Variants in FTO observed in about 807,000 individuals in gnomAD.
FTO encodes alpha-ketoglutarate-dependent dioxygenase FTO.
Under a neutral mutation model 63.9 loss-of-function variants are expected in FTO, and 47 were observed. The ratio of observed to expected loss-of-function variants is 0.74; its 90% CI spans 0.58 to 0.94. FTO has a LOEUF of 0.94. Among genes scored for constraint, FTO ranks in the 40% least tolerant of loss-of-function variants. FTO has a pLI of 0.00. For missense variants in FTO, 562 were observed against 618.1 expected (o/e 0.91, Z 0.96); for synonymous variants, 207 against 224.4 (o/e 0.92, Z 0.69).
chr16:53,979,928 A>G (rs950759511), intron 8 of FTO, among the ~76,000 whole-genome samples: 6 of 152,274 alleles, frequency 3.9e-5, no homozygotes, highest in Admixed American at 2.6e-4. Flanking sequence ...CTTCCACAGG[A>G]AGCCTTAAGC....
At chr16:53,726,911 A>G (rs1466307509) in intron 1 of FTO, among the ~76,000 whole-genome samples, 3 of 152,216 alleles carry the variant, frequency 2.0e-5, no homozygotes, top group Non-Finnish European at 4.4e-5. Context: ...GGAGCCTGCC[A>G]TTGGTTTCCA....
At chr16:53,829,804 G>A (rs1227153759) in intron 3 of FTO, among the ~76,000 whole-genome samples, 2 of 152,094 alleles carry the variant, frequency 1.3e-5, no homozygotes, top group African/African-American at 4.8e-5. Context: ...ATGAAACATT[G>A]GGTTTGAAAG....
chr16:53,760,674 T>C (rs184092206), intron 1 of FTO, among the ~76,000 whole-genome samples: 2 of 145,090 alleles, frequency 1.4e-5, no homozygotes, highest in Non-Finnish European at 3.0e-5. Flanking sequence ...TTGCCCAGAC[T>C]GGAGTGTAGT....
At chr16:54,018,433 CATA>C (rs1455428679) in intron 8 of FTO, among the ~76,000 whole-genome samples, 18 of 150,308 alleles carry the variant, frequency 1.2e-4, no homozygotes, top group East Asian at 3.9e-4. Flanking sequence ...TACATACATA[CATA>C]CATACATACA....
At chr16:54,032,047 G>A (rs1242108249) in intron 8 of FTO, among the ~76,000 whole-genome samples, 3 of 152,180 alleles carry the variant, frequency 2.0e-5, no homozygotes, top group Non-Finnish European at 4.4e-5. Context: ...TCCATTCTGG[G>A]AAGCCTTCAA....
At chr16:54,100,358 T>C (rs1248346925) in intron 8 of FTO, among the ~76,000 whole-genome samples, 1 of 152,146 alleles carries the variant, frequency 6.6e-6, no homozygotes, top group Non-Finnish European at 1.5e-5. Flanking sequence ...GGTTTTTGTT[T>C]GTTTGTTTGT....
At chr16:53,758,422 T>C (rs915138626) in intron 1 of FTO, among the ~76,000 whole-genome samples, 1 of 152,234 alleles carries the variant, frequency 6.6e-6, no homozygotes, top group Non-Finnish European at 1.5e-5. Context: ...GGGGAGGTTA[T>C]GTAACCATTG....
intron 2 of FTO, among the ~76,000 whole-genome samples, chr16:53,823,441 C>T (rs1430254605): frequency 2.0e-5 from 3 of 151,960 alleles, no homozygotes; most frequent in South Asian, 2.1e-4. Flanking sequence ...TCCCACATTG[C>T]GTTCCTCTGC....
intron 8 of FTO, among the ~76,000 whole-genome samples, chr16:54,012,010 CA>C (rs2084345816): frequency 1.3e-5 from 2 of 152,154 alleles, no homozygotes; most frequent in Admixed American, 1.3e-4. Context: ...GGAAGAGTTG[CA>C]CATCTCTCAC....
chr16:53,714,461 A>G (rs2075847138), intron 1 of FTO, among the ~76,000 whole-genome samples: 1 of 152,072 alleles, frequency 6.6e-6, no homozygotes, highest in South Asian at 2.1e-4. Flanking sequence ...CCAGTTTGCC[A>G]TTTTTTGAAA....
intron 8 of FTO, among the ~76,000 whole-genome samples, chr16:54,076,289 G>A (rs1183951778): frequency 1.3e-5 from 2 of 152,218 alleles, no homozygotes; most frequent in African/African-American, 4.8e-5. Flanking sequence ...AGCAAAGCCA[G>A]AGCTTTATGC....
chr16:53,726,925 A>G (rs1023438371), intron 1 of FTO, among the ~76,000 whole-genome samples: 4 of 152,220 alleles, frequency 2.6e-5, no homozygotes, highest in Non-Finnish European at 5.9e-5. Flanking sequence ...GTTTCCATCA[A>G]GGTTTGAAAC....
chr16:53,745,481 A>G (rs1007753470), intron 1 of FTO, among the ~76,000 whole-genome samples: 3 of 152,218 alleles, frequency 2.0e-5, no homozygotes, highest in Admixed American at 2.0e-4. Context: ...ATTCAGCTCC[A>G]CTGTGATTGC....
At chr16:53,788,180 A>C (rs1319264309) in intron 1 of FTO, among the ~76,000 whole-genome samples, 1 of 152,182 alleles carries the variant, frequency 6.6e-6, no homozygotes, top group Non-Finnish European at 1.5e-5. Flanking sequence ...AATCTGATGC[A>C]TCTTCTTCAG....
At chr16:53,946,527 TC>T (rs1378929599) in intron 8 of FTO, among the ~76,000 whole-genome samples, 1 of 152,238 alleles carries the variant, frequency 6.6e-6, no homozygotes, top group Non-Finnish European at 1.5e-5. Flanking sequence ...TAAATAAATG[TC>T]CCAATCCTTG....
intron 2 of FTO, among the ~76,000 whole-genome samples, chr16:53,815,680 G>T (rs1269506313): frequency 1.7e-5 from 2 of 115,542 alleles, no homozygotes; most frequent in South Asian, 2.8e-4. Context: ...ACAGAGTCCC[G>T]CTCTGTCACC....
intron 1 of FTO, among the ~76,000 whole-genome samples, chr16:53,732,603 G>C (rs907185462): frequency 6.6e-6 from 1 of 152,158 alleles, no homozygotes; most frequent in African/African-American, 2.4e-5. Context: ...ATTAGCAGTC[G>C]TGTCAACATG....
chr16:53,732,041 ATTTTT>A (rs375814669), intron 1 of FTO, among the ~76,000 whole-genome samples: 2 of 98,608 alleles, frequency 2.0e-5, no homozygotes, highest in Non-Finnish European at 3.7e-5. Flanking sequence ...TTGTGGCCTT[ATTTTT>A]TTTTTTTTTT....
chr16:54,084,425 G>C (rs1451762876), intron 8 of FTO, among the ~76,000 whole-genome samples: 1 of 152,134 alleles, frequency 6.6e-6, no homozygotes, highest in Non-Finnish European at 1.5e-5. Flanking sequence ...GAGCAGTTTG[G>C]GGGAGACAGT....
Sources: gnomAD v4.1 joint callset for allele counts (sites outside exome capture counted in the v4.1 genomes callset) on GRCh38, gnomAD v4.1.1 for gene constraint, MANE v1.5 for transcripts, NCBI Gene and HGNC (gene_info 2026-07-23, HGNC 2026-07-21) for gene names.